IL7: variants seen among roughly 807,000 people sequenced by gnomAD.
IL7 encodes the protein interleukin 7.
In IL7, 3 loss-of-function variants were observed where a neutral mutation model predicts 21.6. That is an observed-to-expected ratio of 0.14 (90% CI 0.06 to 0.36). The LOEUF is 0.36. Ranked by LOEUF, IL7 falls within the 10% of genes least tolerant of loss-of-function variation. The pLI is 1.00. For synonymous variants in IL7, 62 were observed against 68.1 expected (o/e 0.91, Z 0.44); for missense variants, 175 against 200.2 (o/e 0.87, Z 0.76).
At chr8:78,761,212 A>C (rs1586079009) in intron 2 of IL7, 2 of 1,593,540 alleles carry the variant, frequency 1.3e-6, no homozygotes, top group Admixed American at 1.8e-5. Context: ...AAAGAACAGA[A>C]ATTACGTTGT....
intron 2 of IL7, among the ~76,000 whole-genome samples, chr8:78,782,705 C>A (rs1263491981): frequency 6.6e-6 from 1 of 152,064 alleles, no homozygotes; most frequent in African/African-American, 2.4e-5. Flanking sequence ...AGAACAGGAT[C>A]AAAGACCCAC....
At chr8:78,737,213 G>A (rs1811624668) in intron 4 of IL7, among the ~76,000 whole-genome samples, 1 of 152,026 alleles carries the variant, frequency 6.6e-6, no homozygotes, top group Admixed American at 6.5e-5. Flanking sequence ...TAGACCAAGA[G>A]GTGATATCAG....
downstream of IL7, chr8:78,715,247 C>T (rs905468861): frequency 3.1e-6 from 5 of 1,613,716 alleles, no homozygotes; most frequent in Non-Finnish European, 8.5e-7. Flanking sequence ...CGAAATTCCA[C>T]ACCACCTAGT....
At chr8:78,675,133 A>C (rs1374968373), downstream of IL7, among the ~76,000 whole-genome samples, 1 of 151,490 alleles carries the variant, frequency 6.6e-6, no homozygotes, top group Non-Finnish European at 1.5e-5. Context: ...TAGTTATATT[A>C]ATTTTATTAA....
intron 5 of IL7, among the ~76,000 whole-genome samples, chr8:78,720,809 ACTC>A (rs1811222610): frequency 1.3e-5 from 2 of 151,868 alleles, no homozygotes; most frequent in African/African-American, 4.8e-5. Flanking sequence ...ATTAGTAAAT[ACTC>A]CTTGAAATAT....
At chr8:78,777,096 C>A (rs1339183764) in intron 2 of IL7, among the ~76,000 whole-genome samples, 1 of 151,996 alleles carries the variant, frequency 6.6e-6, no homozygotes, top group Admixed American at 6.6e-5. Flanking sequence ...ATTATGTGAT[C>A]GACAATGTCT....
intron 3 of IL7, chr8:78,698,378 A>G (rs1484052709): frequency 6.6e-7 from 1 of 1,522,880 alleles, no homozygotes; most frequent in Non-Finnish European, 9.0e-7. Flanking sequence ...AACCTTTTTT[A>G]GAGTATTGTT....
intron 5 of IL7, chr8:78,719,312 C>T (rs1811193765): frequency 6.6e-6 from 1 of 151,636 alleles, no homozygotes; most frequent in African/African-American, 2.4e-5. Flanking sequence ...TTGTTTCTCA[C>T]TGAATTTTAC....
At chr8:78,718,137 C>T (rs1390574273) in intron 6 of IL7, 2 of 151,934 alleles carry the variant, frequency 1.3e-5, no homozygotes, top group South Asian at 2.1e-4. Flanking sequence ...TTCAAATACA[C>T]AAGACTAAAA....
chr8:78,678,504 C>T, intron 4 of IL7: 1 of 1,340,584 alleles, frequency 7.5e-7, no homozygotes, highest in Non-Finnish European at 1.0e-6. Flanking sequence ...AAATAAAGTT[C>T]TGTAGTCTTA....
chr8:78,723,963 G>C (rs1189087871), intron 3 of IL7: 1 of 177,344 alleles, frequency 5.6e-6, no homozygotes, highest in African/African-American at 2.4e-5. Context: ...TCTCTGATCT[G>C]CATCTCCACT....
At chr8:78,722,593 T>G (rs1375042632) in intron 3 of IL7, among the ~76,000 whole-genome samples, 1 of 151,998 alleles carries the variant, frequency 6.6e-6, no homozygotes, top group Non-Finnish European at 1.5e-5. Flanking sequence ...AACAAAACTC[T>G]TCTTTGCCCA....
intron 3 of IL7, among the ~76,000 whole-genome samples, chr8:78,705,021 C>T (rs1007850578): frequency 6.6e-6 from 1 of 152,104 alleles, no homozygotes; most frequent in African/African-American, 2.4e-5. Flanking sequence ...TGATTTTTAG[C>T]TTCCTTTCAT....
intron 5 of IL7, among the ~76,000 whole-genome samples, chr8:78,734,582 G>T (rs189484571): frequency 1.3e-5 from 2 of 152,202 alleles, no homozygotes; most frequent in African/African-American, 4.8e-5. Flanking sequence ...GATATCAGTT[G>T]TTTGTTTTAC....
chr8:78,761,374 A>G, intron 2 of IL7: 5 of 1,611,562 alleles, frequency 3.1e-6, no homozygotes, highest in African/African-American at 1.3e-5. Flanking sequence ...TAGCTTGGGG[A>G]TATTTCTCTA....
intron 2 of IL7, among the ~76,000 whole-genome samples, chr8:78,771,833 T>A (rs1812967969): frequency 6.6e-6 from 1 of 152,084 alleles, no homozygotes; most frequent in Non-Finnish European, 1.5e-5. Context: ...TTGCAGCCAC[T>A]GCTACAAATG....
chr8:78,765,355 T>G (rs1411596236), intron 2 of IL7, among the ~76,000 whole-genome samples: 2 of 152,016 alleles, frequency 1.3e-5, no homozygotes, highest in Non-Finnish European at 2.9e-5. Context: ...ATTCAGAACT[T>G]CTGCTTTGCA....
intron 3 of IL7, among the ~76,000 whole-genome samples, chr8:78,695,486 G>A (rs1028413973): frequency 6.6e-6 from 1 of 152,044 alleles, no homozygotes; most frequent in Non-Finnish European, 1.5e-5. Flanking sequence ...TAATCATTTT[G>A]CTCTTTTTTG....
chr8:78,700,113 A>G (rs1586015535), intron 3 of IL7, among the ~76,000 whole-genome samples: 1 of 151,992 alleles, frequency 6.6e-6, no homozygotes, highest in Non-Finnish European at 1.5e-5. Flanking sequence ...TTTCTCCACA[A>G]CCTCACCAGT....
Sources: gnomAD v4.1 joint callset for allele counts (sites outside exome capture counted in the v4.1 genomes callset) on GRCh38, gnomAD v4.1.1 for gene constraint, MANE v1.5 for transcripts, NCBI Gene and HGNC (gene_info 2026-07-23, HGNC 2026-07-21) for gene names.